The following DCBLD2 variants were observed in gnomAD, a reference collection of about 807,000 sequenced individuals.
The protein encoded by DCBLD2 is discoidin, CUB and LCCL domain-containing protein 2.
Under a neutral mutation model 86.8 loss-of-function variants are expected in DCBLD2, and 54 were observed. That is an observed-to-expected ratio of 0.62 (90% confidence interval 0.50 to 0.78). The LOEUF is 0.78. DCBLD2 is among the 30% of genes least tolerant of loss of function. DCBLD2 has a pLI of 0.00. For missense variants in DCBLD2, 908 were observed against 954.2 expected, an observed-to-expected ratio of 0.95 and a Z score of 0.64; for synonymous variants, 354 against 341.3, an observed-to-expected ratio of 1.04 and a Z score of -0.41.
rs1559794395 is a variant in DCBLD2 at position 98,870,741 on chromosome 3, G to GAAAGAAAGAAAGA, written c.433+10786_433+10798dup. 1.3e-3 allele frequency among the ~76,000 whole-genome samples: 64 copies of GAAAGAAAGAAAGA among 47,434 alleles called. 2 individuals carry two copies. Among genetic ancestry groups the GAAAGAAAGAAAGA allele is most frequent in the African/African-American group, 5.0e-3 (62 of 12,430 alleles). The allele number at this position is 47,434 out of a possible 152,430, so 31.1% of individuals were successfully genotyped here. On this transcript the variant is annotated intron_variant, in intron 2 of 15. Transcript: ENST00000326840. ...AAAAGGAAAAGAAAAGAAAGAAAAA[G>GAAAGAAAGAAAGA]AAAGAAAGAAAGAAAGAAAGAAAGA...
intron 1 of DCBLD2, among the ~76,000 whole-genome samples, chr3:98,894,659 T>C (rs1943720838): frequency 6.6e-6 from 1 of 152,064 alleles, no homozygotes; most frequent in East Asian, 1.9e-4. Flanking sequence ...AAACAGGTAG[T>C]AAGGGTCAAG....
chr3:98,822,404 T>A (rs767311627), intron 5 of DCBLD2, 43 bp from the exon 6 acceptor site: 10 of 1,582,184 alleles, frequency 6.3e-6, no homozygotes, highest in Non-Finnish European at 7.7e-6. Context: ...AATTTTCTCT[T>A]AATAATTCAT....
intron 2 of DCBLD2, among the ~76,000 whole-genome samples, chr3:98,866,301 G>A (rs558201647): frequency 6.6e-6 from 1 of 152,118 alleles, no homozygotes; most frequent in Non-Finnish European, 1.5e-5. Context: ...TTCCACAATG[G>A]TTGAACTAGT....
rs1339437673 is a variant in DCBLD2, at chr3:98,811,341, TCTTTA to T, written c.1451-27_1451-23del. The T allele has an allele frequency of 2.5e-6, 4 of 1,609,368 alleles. No individual in the cohort carries two copies. The South Asian group carries it at 4.4e-5, about 18-fold the overall frequency. ...CGACCTTTAAAAAAGTTTCAAAAGC[TCTTTA>T]CTTTTTAATCTGTACCAACTTGATT... On this transcript the variant is annotated intron_variant, in intron 11 of 15. Transcript: ENST00000326840.
intron 10 of DCBLD2, 101 bp from the exon 11 acceptor site, chr3:98,811,655 T>C: frequency 9.0e-7 from 1 of 1,108,554 alleles, no homozygotes; most frequent in Non-Finnish European, 1.3e-6. Context: ...AGTATTTAAT[T>C]CTGCAGAATA....
In DCBLD2 at chr3:98,901,633, T is replaced by G; in HGVS notation, c.-307A>C. On this transcript the variant is annotated 5_prime_UTR_variant, in exon 1 of 16. Transcript: ENST00000326840. ...AAGGAACGTGCCTCCCGCGCCGCGC[T>G]CCTCACCAGGGTCGCCGCTCGCCGC... 1 of 222,582 alleles carries G rather than the reference T, an allele frequency of 4.5e-6. No homozygotes were observed. The highest frequency in any genetic ancestry group is 8.7e-6 in the Non-Finnish European group (1 of 114,440). 13.8% of individuals were successfully genotyped at this position (222,582 alleles called of 1,614,324 possible).
intron 3 of DCBLD2, among the ~76,000 whole-genome samples, chr3:98,831,347 G>A (rs1942318948): frequency 6.6e-6 from 1 of 151,894 alleles, no homozygotes; most frequent in South Asian, 2.1e-4. Flanking sequence ...TACCGCTCTT[G>A]GCCCTTCTCT....
intron 2 of DCBLD2, among the ~76,000 whole-genome samples, chr3:98,857,489 T>C (rs756998153): frequency 6.6e-6 from 1 of 152,132 alleles, no homozygotes; most frequent in African/African-American, 2.4e-5. Context: ...ACAGAGAGCT[T>C]ATTGGTCCGT....
At position 98,901,611 on chromosome 3, in the gene DCBLD2, G is replaced by T. The variant is rs1440226638; in HGVS notation, c.-285C>A. Reference sequence around the variant, plus strand: ...GGAGGACGGCCGCGGCGGAGCTAAGGAACGTGCCTCCCGCGCCGCGCTCCT... The same window carrying T: ...GGAGGACGGCCGCGGCGGAGCTAAGTAACGTGCCTCCCGCGCCGCGCTCCT... On this transcript the variant is annotated 5_prime_UTR_variant, in exon 1 of 16. Transcript: ENST00000326840. 2 of 262,612 alleles carry T rather than the reference G, an allele frequency of 7.6e-6. No individual in the cohort carries two copies. The highest frequency in any genetic ancestry group is 5.5e-5 in the Admixed American group (1 of 18,286). 16.3% of individuals were successfully genotyped at this position (262,612 alleles called of 1,614,324 possible).
At chr3:98,845,114 T>A (rs1418825259) in intron 3 of DCBLD2, among the ~76,000 whole-genome samples, 1 of 152,164 alleles carries the variant, frequency 6.6e-6, no homozygotes, top group East Asian at 1.9e-4. Flanking sequence ...AATGGGAACT[T>A]TTCCTTTCAC....
intron 6 of DCBLD2, chr3:98,821,296 G>C (rs951980577): frequency 6.6e-6 from 1 of 152,194 alleles, no homozygotes; most frequent in Non-Finnish European, 1.5e-5. Context: ...AGTGTTGTCT[G>C]AAAGACTGAG....
At chr3:98,801,737 G>C (rs886493024) in intron 13 of DCBLD2, 88 bp from the exon 14 acceptor site, 13 of 887,166 alleles carry the variant, frequency 1.5e-5, no homozygotes, top group Admixed American at 7.6e-5. Flanking sequence ...CTTGGTATGT[G>C]ATATTCCCCT....
chr3:98,838,906 C>T (rs1313618957), intron 3 of DCBLD2, among the ~76,000 whole-genome samples: 8 of 151,622 alleles, frequency 5.3e-5, no homozygotes, highest in African/African-American at 1.9e-4. Flanking sequence ...CGTGGCGGCG[C>T]GTGCCTGCAA....
Position 98,881,744 on chromosome 3 carries a change from G to C in DCBLD2, c.229C>G (p.Leu77Val), listed in dbSNP as rs1017560551. ...GTAAGGGTTCCACTCTCAGGGCCTA[G>C]TACAGTGTGTCCACATCCATCACCT... Reference protein sequence around the residue: ...QQGDGCGHTVLGPESGTLTSI... With the variant: ...QQGDGCGHTVVGPESGTLTSI... Residue 77 changes from leucine (L) to valine (V), a missense_variant, in exon 2 of 16, where the codon CTA (leucine) becomes GTA (valine). This residue lies in a region of DCBLD2 where 294 missense variants were observed against 256.0 expected (regional missense o/e 1.15). Coordinates refer to ENST00000326840, the MANE Select transcript of DCBLD2 (RefSeq NM_080927.4). The C allele has an allele frequency of 6.2e-7, 1 of 1,613,536 alleles. No homozygotes were observed. The highest frequency in any genetic ancestry group is 1.3e-5 in the African/African-American group (1 of 74,854).
chr3:98,811,128 C>T lies in DCBLD2; in HGVS notation c.1576+66G>A, dbSNP rs1046498890. On this transcript the variant is annotated intron_variant, in intron 12 of 15. Coordinates refer to ENST00000326840, the MANE Select transcript of DCBLD2 (RefSeq NM_080927.4). ...AATAAACTGAAGGTTTAAAAATGCC[C>T]GTGAAAACTTCAGTTAAGAACAAAA... The T allele has an allele frequency of 2.2e-5, 32 of 1,432,582 alleles. No individual in the cohort carries two copies. The East Asian group carries it at 6.0e-4, about 27-fold the overall frequency. 88.7% of individuals were successfully genotyped at this position (1,432,582 alleles called of 1,614,324 possible).
chr3:98,806,469 C>G (rs1027219176), intron 13 of DCBLD2, among the ~76,000 whole-genome samples: 1 of 152,038 alleles, frequency 6.6e-6, no homozygotes, highest in Non-Finnish European at 1.5e-5. Context: ...CTTTCCTTTC[C>G]CTATTGTTCT....
At chr3:98,891,817 C>A (rs1170791687) in intron 1 of DCBLD2, among the ~76,000 whole-genome samples, 1 of 152,156 alleles carries the variant, frequency 6.6e-6, no homozygotes, top group Non-Finnish European at 1.5e-5. Flanking sequence ...ATCCACCTAG[C>A]AAATACCTAC....
intron 2 of DCBLD2, among the ~76,000 whole-genome samples, chr3:98,851,572 AG>A (rs1204529166): frequency 1.3e-5 from 2 of 152,220 alleles, no homozygotes. Flanking sequence ...TCACAGAATT[AG>A]AAAAAACTAC....
chr3:98,901,310 A>C lies in DCBLD2; in HGVS notation c.17T>G (p.Val6Gly). The change falls in exon 1 of 16, where the codon GTG (valine) becomes GGG (glycine). Residue 6 changes from valine to glycine, a missense_variant. Val to Gly is a moderately radical substitution (Grantham distance 109, BLOSUM62 -3). Transcript: ENST00000326840. ...CTGCGGGCAGCGCCTGGCTCTCACC[A>C]CCGCCCGGCTCGCCATCGCGGCGGC... MASRA[V>G]VRARRCPQCP... The C allele has an allele frequency of 7.0e-7, 1 of 1,427,900 alleles. No homozygotes were observed. Among genetic ancestry groups the C allele is most frequent in the Non-Finnish European group, 9.1e-7 (1 of 1,103,496 alleles). The allele number at this position is 1,427,900 out of a possible 1,614,324, so 88.5% of individuals were successfully genotyped here. A position where few individuals can be genotyped will look rare whatever the true frequency, so the allele number is the denominator to read the frequency against.
Sources: allele counts gnomAD v4.1 joint callset (sites outside exome capture counted in the v4.1 genomes callset), GRCh38; gene constraint gnomAD v4.1.1; regional missense constraint gnomAD v4.1.1; transcripts MANE v1.5; gene names NCBI Gene and HGNC (gene_info 2026-07-23, HGNC 2026-07-21).